Variants in SERPINB8 observed in about 807,000 individuals in gnomAD.
SERPINB8 encodes serpin family B member 8, also known as serpin B8.
A neutral mutation model predicts 35.3 loss-of-function variants in SERPINB8; 25 were observed. That is an observed-to-expected ratio of 0.71 (90% CI 0.52 to 0.99). SERPINB8 has a LOEUF of 0.99. SERPINB8 is among the 50% of genes least tolerant of loss of function. The probability of loss-of-function intolerance (pLI) is 0.00; values close to 1 mark genes in which losing one functional copy is unlikely to be tolerated. For missense variants in SERPINB8, 484 were observed against 446.5 expected (o/e 1.08, Z -0.76); for synonymous variants, 186 against 160.8 (o/e 1.16, Z -1.19).
chr18:63,987,400 T>C lies in SERPINB8; in HGVS notation c.*122T>C, dbSNP rs2144825367. The C allele has an allele frequency of 9.9e-7, 1 of 1,011,898 alleles. No individual in the cohort carries two copies. Among genetic ancestry groups the C allele is most frequent in the Non-Finnish European group, 1.4e-6 (1 of 690,500 alleles). The allele number at this position is 1,011,898 out of a possible 1,614,324, so 62.7% of individuals were successfully genotyped here. On this transcript the variant is annotated 3_prime_UTR_variant, in exon 7 of 7. Transcript: ENST00000397985. ...AAAATAAAGCGTGTGCACTGGATAGTGTGTGAAAGTCTTTGCTGAAAGTTC... is the reference window on the plus strand; with the variant it reads ...AAAATAAAGCGTGTGCACTGGATAGCGTGTGAAAGTCTTTGCTGAAAGTTC...
intron 1 of SERPINB8, among the ~76,000 whole-genome samples, chr18:64,004,188 A>T (rs2050889476): frequency 6.6e-6 from 1 of 152,204 alleles, no homozygotes; most frequent in South Asian, 2.1e-4. Context: ...GTAATTTTAA[A>T]GTGTTTTTCT....
At chr18:63,986,370 C>T in intron 6 of SERPINB8, 1 of 1,570,298 alleles carries the variant, frequency 6.4e-7, no homozygotes, top group Non-Finnish European at 8.6e-7. Flanking sequence ...ATGCTCCCTT[C>T]TCATGCCTCC....
At chr18:64,013,142 A>G (rs1179281802) in intron 7 of SERPINB8, among the ~76,000 whole-genome samples, 1 of 152,112 alleles carries the variant, frequency 6.6e-6, no homozygotes, top group Non-Finnish European at 1.5e-5. Flanking sequence ...GCCAACAGAA[A>G]GATGGGAGCC....
chr18:63,985,248 A>G lies in SERPINB8; in HGVS notation c.720+3A>G. On this transcript the variant is annotated splice_donor_region_variant and intron_variant, in intron 6 of 6. Transcript: ENST00000397985. The stretch of plus-strand genomic sequence containing the variant: ...ATGACAACACGGACCTCGCCGTGGT[A>G]AGCTCCAGGCAATGAGCCTGAGTAT... 6.2e-7 allele frequency: 1 copy of G among 1,614,032 alleles called. No homozygotes were observed. The highest frequency in any genetic ancestry group is 8.5e-7 in the Non-Finnish European group (1 of 1,179,966).
At chr18:63,983,014 G>A (rs979027260) in intron 4 of SERPINB8, among the ~76,000 whole-genome samples, 1 of 151,944 alleles carries the variant, frequency 6.6e-6, no homozygotes, top group Non-Finnish European at 1.5e-5. Flanking sequence ...GATGAGGTTT[G>A]AATATATGCA....
At chr18:64,014,800 T>C (rs1271501028) in intron 7 of SERPINB8, among the ~76,000 whole-genome samples, 1 of 152,172 alleles carries the variant, frequency 6.6e-6, no homozygotes, top group East Asian at 1.9e-4. Flanking sequence ...TTCCTACTTA[T>C]TCTTGAAAAA....
At chr18:63,996,120 A>T (rs2050847946) in intron 1 of SERPINB8, among the ~76,000 whole-genome samples, 1 of 152,186 alleles carries the variant, frequency 6.6e-6, no homozygotes, top group African/African-American at 2.4e-5. Flanking sequence ...AGGAACTCAG[A>T]TAACTGTAAT....
chr18:63,991,827 A>G (rs1031351221), downstream of SERPINB8, among the ~76,000 whole-genome samples: 1 of 152,196 alleles, frequency 6.6e-6, no homozygotes, highest in African/African-American at 2.4e-5. Context: ...TAACAGGTGA[A>G]GAAGGTCTCT....
At chr18:64,000,898 C>T (rs1173015880) in intron 1 of SERPINB8, among the ~76,000 whole-genome samples, 6 of 152,194 alleles carry the variant, frequency 3.9e-5, no homozygotes, top group Non-Finnish European at 8.8e-5. Flanking sequence ...GACTTTTTAT[C>T]TTCATGGTTA....
chr18:64,015,836 T>A (rs1259237700), intron 7 of SERPINB8, among the ~76,000 whole-genome samples: 3 of 152,344 alleles, frequency 2.0e-5, no homozygotes, highest in African/African-American at 7.2e-5. Flanking sequence ...TCTCCAGGGC[T>A]GCTGCTTGTG....
downstream of SERPINB8, among the ~76,000 whole-genome samples, chr18:64,008,608 A>G (rs2050911447): frequency 1.3e-5 from 2 of 152,092 alleles, no homozygotes; most frequent in African/African-American, 4.8e-5. Flanking sequence ...CAAAAGCATA[A>G]TAATTTGAAT....
intron 1 of SERPINB8, among the ~76,000 whole-genome samples, chr18:63,977,442 C>T (rs1434707515): frequency 6.6e-6 from 1 of 152,088 alleles, no homozygotes; most frequent in East Asian, 1.9e-4. Flanking sequence ...ATTCTCCTGC[C>T]TCAGCCTTCC....
At position 63,988,159 on chromosome 18, in the gene SERPINB8, C is replaced by A. The variant is rs909033807; in HGVS notation, c.*881C>A. 9 of 152,212 alleles carry A rather than the reference C, an allele frequency of 5.9e-5. No homozygotes were observed. Among genetic ancestry groups the A allele is most frequent in the Admixed American group, 5.9e-4 (9 of 15,290 alleles). The allele number at this position is 152,212 out of a possible 1,614,324, so 9.4% of individuals were successfully genotyped here. ...AGTCACCCACAATTCCAACACACAG[C>A]AATCACTGCTGTTAATAGTGATATA... On this transcript the variant is annotated 3_prime_UTR_variant, in exon 7 of 7. Coordinates refer to ENST00000397985, the MANE Select transcript of SERPINB8 (RefSeq NM_002640.4).
downstream of SERPINB8, among the ~76,000 whole-genome samples, chr18:64,005,930 G>T (rs1036555661): frequency 1.3e-5 from 2 of 152,100 alleles, no homozygotes; most frequent in African/African-American, 2.4e-5. Flanking sequence ...CTTCAAGCAA[G>T]GTGCCCGCTG....
intron 7 of SERPINB8, among the ~76,000 whole-genome samples, chr18:64,017,101 T>C (rs1199034368): frequency 2.6e-5 from 4 of 152,200 alleles, no homozygotes; most frequent in Non-Finnish European, 5.9e-5. Flanking sequence ...TGTCCCTTCC[T>C]GAACCTATTC....
intron 1 of SERPINB8, among the ~76,000 whole-genome samples, chr18:63,977,875 G>A (rs769689906): frequency 6.6e-5 from 10 of 152,160 alleles, no homozygotes; most frequent in Non-Finnish European, 1.5e-4. Context: ...GTACAGCATA[G>A]CAATGTTATT....
chr18:63,972,216 C>G (rs2050495954), intron 1 of SERPINB8, among the ~76,000 whole-genome samples: 1 of 152,158 alleles, frequency 6.6e-6, no homozygotes, highest in Non-Finnish European at 1.5e-5. Flanking sequence ...TCACCACCTT[C>G]CTGAGTTTCA....
chr18:63,978,923 A>G (rs1410984915), intron 2 of SERPINB8, among the ~76,000 whole-genome samples: 3 of 152,222 alleles, frequency 2.0e-5, no homozygotes, highest in Non-Finnish European at 4.4e-5. Context: ...ATGTAACACA[A>G]GTGTGGACTT....
chr18:63,983,783 T>A, intron 5 of SERPINB8, 62 bp downstream of exon 5: 1 of 1,150,802 alleles, frequency 8.7e-7, no homozygotes, highest in Non-Finnish European at 1.3e-6. Flanking sequence ...GGAAATATTC[T>A]CTTGGAAAAA....
Sources: allele counts gnomAD v4.1 joint callset (sites outside exome capture counted in the v4.1 genomes callset), GRCh38; gene constraint gnomAD v4.1.1; transcripts MANE v1.5; gene names NCBI Gene and HGNC (gene_info 2026-07-23, HGNC 2026-07-21).